The following TWNK variants were observed in gnomAD, a reference collection of about 807,000 sequenced individuals.
TWNK encodes the protein T7 gp4-like protein with intramitochondrial nucleoid localization.
TWNK carries 36 observed loss-of-function variants against 58.2 expected under a neutral mutation model. That is an observed-to-expected ratio of 0.62 (90% confidence interval 0.47 to 0.82). The LOEUF is 0.82. Among genes scored for constraint, TWNK ranks in the 40% least tolerant of loss-of-function variants. The pLI is 0.00. For missense variants in TWNK, 714 were observed against 881.0 expected, an observed-to-expected ratio of 0.81 and a Z score of 2.40; for synonymous variants, 349 against 348.5, an observed-to-expected ratio of 1.00 and a Z score of -0.02.
chr10:100,988,618 C>G lies in TWNK; in HGVS notation c.408C>G (p.Ala136=). The change falls in exon 1 of 5, where the codon GCC becomes GCG. Residue 136 remains alanine, a synonymous_variant. Coordinates refer to ENST00000311916, the MANE Select transcript of TWNK (RefSeq NM_021830.5). The surrounding 1 kb of genome is among the most constrained non-coding windows in gnomAD (Gnocchi z 5.2). ...GCGTGGAGGGGCGAGGGGATGGGGCCAGGGAGGGGTTTCTGCTTAGCAAGG... is the reference window on the plus strand; with the variant it reads ...GCGTGGAGGGGCGAGGGGATGGGGCGAGGGAGGGGTTTCTGCTTAGCAAGG... ...QASVEGRGDG[A]REGFLLSKAP... 1 of 1,613,828 alleles carries G rather than the reference C, an allele frequency of 6.2e-7. No homozygotes were observed. The highest frequency in any genetic ancestry group is 8.5e-7 in the Non-Finnish European group (1 of 1,180,010).
chr10:100,991,291 G>GT, intron 4 of TWNK: 1 of 501,302 alleles, frequency 2.0e-6, no homozygotes, highest in Admixed American at 3.4e-5. Flanking sequence ...GGCAGCACAA[G>GT]TATTTGGAGA....
Position 100,988,349 on chromosome 10 carries a change from G to A in TWNK, c.139G>A (p.Ala47Thr), listed in dbSNP as rs761320180. ...RRRYRKETLQALDMPVLPVTA... is the reference protein window; with the variant it reads ...RRRYRKETLQTLDMPVLPVTA... ...ACGTTACAGGAAGGAGACTCTCCAA[G>A]CCTTGGATATGCCAGTGTTGCCTGT... The change falls in exon 1 of 5, where the codon GCC (alanine) becomes ACC (threonine). Residue 47 changes from alanine (A) to threonine (T), a missense_variant. Physicochemically the swap from Ala to Thr is moderately conservative, Grantham distance 58. Around this residue, in one of 3 missense-constraint regions of TWNK, gnomAD observed 348 missense variants for 388.4 expected, o/e 0.90. Transcript: ENST00000311916. This position sits in a 1 kb window ranked among gnomAD's most constrained non-coding sequence, Gnocchi z 5.2. 1.2e-6 allele frequency: 2 copies of A among 1,614,156 alleles called. No homozygotes were observed. The highest frequency in any genetic ancestry group is 3.3e-5 in the Admixed American group (2 of 60,016).
chr10:100,987,947 G>A lies in TWNK; in HGVS notation c.-264G>A, dbSNP rs1318945174. The A allele has an allele frequency of 1.1e-5, 7 of 621,206 alleles. No individual in the cohort carries two copies. Among genetic ancestry groups the A allele is most frequent in the Admixed American group, 8.0e-5 (3 of 37,598 alleles). The allele number at this position is 621,206 out of a possible 1,614,324, so 38.5% of individuals were successfully genotyped here. A position where few individuals can be genotyped will look rare whatever the true frequency, so the allele number is the denominator to read the frequency against. ...TATAGAGGGTCATAGAGGTGAGGTG[G>A]CGGAGAGAAACTAACTAACGGACCA... On this transcript the variant is annotated 5_prime_UTR_variant, in exon 1 of 5. Transcript: ENST00000311916.
At chr10:100,993,123 G>GC (rs1194227315) in intron 4 of TWNK, 67 bp from the exon 5 acceptor site, 10 of 1,525,982 alleles carry the variant, frequency 6.6e-6, no homozygotes, top group South Asian at 1.1e-5. Context: ...TGCCCTGTCA[G>GC]CCCCCCTTTC....
chr10:100,993,418 G>A lies in TWNK; in HGVS notation c.1963G>A (p.Gly655Ser), dbSNP rs1217058174. 1 of 1,614,124 alleles carries A rather than the reference G, an allele frequency of 6.2e-7. No homozygotes were observed. The highest frequency in any genetic ancestry group is 1.3e-5 in the African/African-American group (1 of 75,040). The change falls in exon 5 of 5, where the codon GGC becomes AGC. Residue 655 changes from glycine to serine, a missense_variant. Physicochemically the swap from Gly to Ser is moderately conservative, Grantham distance 56. Around this residue, in one of 3 missense-constraint regions of TWNK, gnomAD observed 64 missense variants for 54.0 expected, o/e 1.19. Coordinates refer to ENST00000311916, the MANE Select transcript of TWNK (RefSeq NM_021830.5). ...TGPVAKKPSS[G>S]KKGATTQNSE... ...ACCAGTGGCCAAAAAGCCCTCTTCTGGCAAAAAGGGGGCTACGACACAGAA... is the reference window on the plus strand; with the variant it reads ...ACCAGTGGCCAAAAAGCCCTCTTCTAGCAAAAAGGGGGCTACGACACAGAA...
At position 100,987,990 on chromosome 10, in the gene TWNK, T is replaced by C; in HGVS notation, c.-221T>C. 1.5e-6 allele frequency: 1 copy of C among 647,200 alleles called. No homozygotes were observed. Among genetic ancestry groups the C allele is most frequent in the South Asian group, 1.7e-5 (1 of 57,458 alleles). 40.1% of individuals were successfully genotyped at this position (647,200 alleles called of 1,614,324 possible). ...ACGGACCATAGAGGTGGGGGAGCCA[T>C]TGTAGAAGGACGTGGACGCGAAAGG... On this transcript the variant is annotated 5_prime_UTR_variant, in exon 1 of 5. Transcript: ENST00000311916.
intron 3 of TWNK, 76 bp downstream of exon 3, chr10:100,990,619 C>G (rs1326366477): frequency 1.9e-6 from 3 of 1,611,556 alleles, no homozygotes; most frequent in East Asian, 4.5e-5. Flanking sequence ...CAGCTGGCCT[C>G]TAGGCACACA....
At position 100,987,695 on chromosome 10, in the gene TWNK, A is replaced by G; in HGVS notation, c.-516A>G. 1 of 594,794 alleles carries G rather than the reference A, an allele frequency of 1.7e-6. No individual in the cohort carries two copies. Among genetic ancestry groups the G allele is most frequent in the South Asian group, 2.1e-5 (1 of 47,982 alleles). The allele number at this position is 594,794 out of a possible 1,614,324, so 36.8% of individuals were successfully genotyped here. ...GACACGGGGGAGGATAGAGACTGGC[A>G]TTCCTTTGGGCCGGGGGATTGGCGG... On this transcript the variant is annotated 5_prime_UTR_variant, in exon 1 of 5. Coordinates refer to ENST00000311916, the MANE Select transcript of TWNK (RefSeq NM_021830.5).
At chr10:100,990,029 C>A in intron 2 of TWNK, 145 bp downstream of exon 2, 3 of 1,155,950 alleles carry the variant, frequency 2.6e-6, no homozygotes, top group Non-Finnish European at 3.8e-6. Context: ...CAGGGCTGGA[C>A]ACACTGGCTC....
rs373662534 is a variant in TWNK, at chr10:100,989,164, C to G, written c.954C>G (p.Ala318=). Residue 318 remains alanine, a synonymous_variant, in exon 1 of 5, where the codon GCC becomes GCG. Coordinates refer to ENST00000311916, the MANE Select transcript of TWNK (RefSeq NM_021830.5). The surrounding 1 kb of genome is among the most constrained non-coding windows in gnomAD (Gnocchi z 7.6). ...ATGACCTTCGGTCCTGGGAAGCCGC[C>G]AAGTTGTTTGCACGAAAACTGAACC... ...LGDDLRSWEA[A]KLFARKLNPK... 6.7e-5 allele frequency: 108 copies of G among 1,612,738 alleles called. No individual in the cohort carries two copies. The highest frequency in any genetic ancestry group is 7.8e-5 in the Non-Finnish European group (92 of 1,178,938).
At chr10:100,991,310 A>T in intron 4 of TWNK, 4 of 458,860 alleles carry the variant, frequency 8.7e-6, no homozygotes, top group Non-Finnish European at 1.6e-5. Context: ...GAGCAAAGAG[A>T]AAAGATGTCT....
Position 100,989,803 on chromosome 10 carries a change from T to C in TWNK, c.1403T>C (p.Leu468Pro). 6.2e-7 allele frequency: 1 copy of C among 1,614,214 alleles called. No homozygotes were observed. Among genetic ancestry groups the C allele is most frequent in the Non-Finnish European group, 8.5e-7 (1 of 1,180,036 alleles). Residue 468 changes from leucine to proline, a missense_variant, in exon 2 of 5, where the codon CTG (leucine) becomes CCG (proline). Transcript: ENST00000311916. The surrounding 1 kb of genome is among the most constrained non-coding windows in gnomAD (Gnocchi z 7.6). ...QFAEGRLEDQLDKYDHWADRF... is the reference protein window; with the variant it reads ...QFAEGRLEDQPDKYDHWADRF... ...GCCGAGGGGCGGCTGGAAGATCAAC[T>C]GGACAAATATGATCACTGGGCTGAC...
In TWNK at chr10:100,993,587, T is replaced by C; in HGVS notation, c.*77T>C. 1 of 1,486,720 alleles carries C rather than the reference T, an allele frequency of 6.7e-7. No homozygotes were observed. The highest frequency in any genetic ancestry group is 1.2e-5 in the South Asian group (1 of 85,178). 92.1% of individuals were successfully genotyped at this position (1,486,720 alleles called of 1,614,324 possible). Reference sequence around the variant, plus strand: ...ATAAAACTCTGCAAGGGCTCCTCTATCCTGTGGTCCTGAGCTGTGTGCCCT... The same window carrying C: ...ATAAAACTCTGCAAGGGCTCCTCTACCCTGTGGTCCTGAGCTGTGTGCCCT... On this transcript the variant is annotated 3_prime_UTR_variant, in exon 5 of 5. Coordinates refer to ENST00000311916, the MANE Select transcript of TWNK (RefSeq NM_021830.5).
rs1474257052 is a variant in TWNK, at chr10:100,989,578, T to C, written c.1244-66T>C. The C allele has an allele frequency of 1.9e-6, 3 of 1,612,212 alleles. No homozygotes were observed. Among genetic ancestry groups the C allele is most frequent in the Non-Finnish European group, 2.5e-6 (3 of 1,179,792 alleles). On this transcript the variant is annotated intron_variant, in intron 1 of 4. Coordinates refer to ENST00000311916, the MANE Select transcript of TWNK (RefSeq NM_021830.5). This position sits in a 1 kb window ranked among gnomAD's most constrained non-coding sequence, Gnocchi z 7.6. ...CCCTTTCCCCCCAGTTTTAAAGCCC[T>C]GACCTATGTCTTGGTTTCAAGGGTA... is the stretch of plus-strand genomic sequence containing the variant.
Position 100,987,641 on chromosome 10 carries a change from C to T in TWNK, c.-570C>T. 2.9e-6 allele frequency: 2 copies of T among 700,738 alleles called. No individual in the cohort carries two copies. Among genetic ancestry groups the T allele is most frequent in the Non-Finnish European group, 4.7e-6 (2 of 429,574 alleles). The allele number at this position is 700,738 out of a possible 1,614,324, so 43.4% of individuals were successfully genotyped here. ...AACCTGGGGCTGGGGGCCGGCGCGGCGGAGCTCGGAGTAGTAGAGCGGAGT... is the reference window on the plus strand; with the variant it reads ...AACCTGGGGCTGGGGGCCGGCGCGGTGGAGCTCGGAGTAGTAGAGCGGAGT... On this transcript the variant is annotated 5_prime_UTR_variant, in exon 1 of 5. Transcript: ENST00000311916.
In TWNK at chr10:100,989,926, A is replaced by G; in HGVS notation, c.1484+42A>G. On this transcript the variant is annotated intron_variant, in intron 2 of 4. Coordinates refer to ENST00000311916, the MANE Select transcript of TWNK (RefSeq NM_021830.5). This position sits in a 1 kb window ranked among gnomAD's most constrained non-coding sequence, Gnocchi z 7.6. ...CCAGCCACCTTGCTTTCCCAGACATATCCCAGCACTCAGGAACCTTTGGTT... is the reference window on the plus strand; with the variant it reads ...CCAGCCACCTTGCTTTCCCAGACATGTCCCAGCACTCAGGAACCTTTGGTT... The G allele has an allele frequency of 1.2e-6, 2 of 1,613,340 alleles. No individual in the cohort carries two copies. The highest frequency in any genetic ancestry group is 1.1e-5 in the South Asian group (1 of 91,052).
In TWNK at chr10:100,987,944, G is replaced by A. The variant is rs565247840; in HGVS notation, c.-267G>A. 1 of 620,706 alleles carries A rather than the reference G, an allele frequency of 1.6e-6. No homozygotes were observed. The highest frequency in any genetic ancestry group is 1.9e-5 in the South Asian group (1 of 53,914). 38.4% of individuals were successfully genotyped at this position (620,706 alleles called of 1,614,324 possible). A position where few individuals can be genotyped will look rare whatever the true frequency, so the allele number is the denominator to read the frequency against. ...CTGTATAGAGGGTCATAGAGGTGAG[G>A]TGGCGGAGAGAAACTAACTAACGGA... On this transcript the variant is annotated 5_prime_UTR_variant, in exon 1 of 5. In the 5' UTR this introduces an upstream ATG that the reference lacks. Transcript: ENST00000311916.
At chr10:100,993,068 G>T in intron 4 of TWNK, 122 bp from the exon 5 acceptor site, 1 of 1,043,886 alleles carries the variant, frequency 9.6e-7, no homozygotes, top group Non-Finnish European at 1.5e-6. Flanking sequence ...TTACAGGCGT[G>T]AGCCATTGTA....
chr10:100,988,193 T>A lies in TWNK; in HGVS notation c.-18T>A. The A allele has an allele frequency of 6.2e-7, 1 of 1,613,778 alleles. No homozygotes were observed. Among genetic ancestry groups the A allele is most frequent in the Non-Finnish European group, 8.5e-7 (1 of 1,180,004 alleles). On this transcript the variant is annotated 5_prime_UTR_variant, in exon 1 of 5. Transcript: ENST00000311916. This position sits in a 1 kb window ranked among gnomAD's most constrained non-coding sequence, Gnocchi z 5.2. Reference sequence around the variant, plus strand: ...ACCTAAGGCATTTCAAGTAGTGACTTCCCACATTTGGCTAGGAATGTGGGT... The same window carrying A: ...ACCTAAGGCATTTCAAGTAGTGACTACCCACATTTGGCTAGGAATGTGGGT...
Sources: allele counts gnomAD v4.1 joint callset, GRCh38; gene constraint gnomAD v4.1.1; regional missense constraint gnomAD v4.1.1; non-coding constraint Gnocchi (gnomAD v3.1); transcripts MANE v1.5; gene names NCBI Gene and HGNC (gene_info 2026-07-23, HGNC 2026-07-21).